ARHGEF2: variants seen among roughly 807,000 people sequenced by gnomAD.
ARHGEF2 encodes the protein rho guanine nucleotide exchange factor 2.
A neutral mutation model predicts 121.0 loss-of-function variants in ARHGEF2; 22 were observed. The observed-to-expected ratio is 0.18, with a 90% CI of 0.13 to 0.26. The LOEUF (loss-of-function observed/expected upper bound fraction) is 0.26. Ranked by LOEUF, ARHGEF2 falls within the 10% of genes least tolerant of loss-of-function variation. The pLI, the probability that ARHGEF2 is intolerant of heterozygous loss-of-function variation, is 1.00. For synonymous variants in ARHGEF2, 487 were observed against 530.0 expected, an observed-to-expected ratio of 0.92 and a Z score of 1.11; for missense variants, 907 against 1,336.0, an observed-to-expected ratio of 0.68 and a Z score of 5.01.
At chr1:155,967,801 C>G (rs1349600756) in intron 2 of ARHGEF2, among the ~76,000 whole-genome samples, 3 of 152,188 alleles carry the variant, frequency 2.0e-5, no homozygotes, top group Non-Finnish European at 4.4e-5. Flanking sequence ...GACATGCCCT[C>G]AGCTCCCGGC....
intron 7 of ARHGEF2, among the ~76,000 whole-genome samples, chr1:155,963,823 C>T (rs1053910005): frequency 1.3e-5 from 2 of 151,852 alleles, no homozygotes; most frequent in Non-Finnish European, 2.9e-5. Flanking sequence ...AGGCACATGC[C>T]ACCACACCTG....
chr1:155,952,285 G>C, intron 15 of ARHGEF2, 50 bp from the exon 16 acceptor site: 2 of 1,607,556 alleles, frequency 1.2e-6, no homozygotes, highest in Non-Finnish European at 8.5e-7. Context: ...AGGACCCTGA[G>C]GGGAATGCCA....
chr1:155,973,753 A>T (rs1680857311), intron 1 of ARHGEF2, among the ~76,000 whole-genome samples: 1 of 152,008 alleles, frequency 6.6e-6, no homozygotes, highest in Admixed American at 6.6e-5. Flanking sequence ...CTCAAAAAAA[A>T]AAAAAGAAAA....
Position 155,965,729 on chromosome 1 carries a change from G to C in ARHGEF2, c.372C>G (p.Ile124Met), listed in dbSNP as rs1289188899. The change falls in exon 5 of 22, where the codon ATC becomes ATG. Residue 124 changes from isoleucine to methionine, a missense_variant. By Grantham distance (10) the Ile-to-Met change is conservative. Transcript: ENST00000361247. The surrounding 1 kb of genome is among the most constrained non-coding windows in gnomAD (Gnocchi z 6.0). ...TTIRERPSSA[I>M]YPSDSFRQSL... is the part of the protein sequence containing the mutation. ...ACTGCCGGAAGCTGTCGGAGGGGTA[G>C]ATGGCCGAGCTTGGCCGCTCCCGGA... 1 of 1,602,766 alleles carries C rather than the reference G, an allele frequency of 6.2e-7. No individual in the cohort carries two copies. Among genetic ancestry groups the C allele is most frequent in the Admixed American group, 1.8e-5 (1 of 56,096 alleles).
chr1:155,949,579 CA>C (rs577392240), intron 21 of ARHGEF2, among the ~76,000 whole-genome samples: 183 of 129,728 alleles, frequency 1.4e-3, no homozygotes, highest in Admixed American at 1.3e-3. Flanking sequence ...AATTCCATCT[CA>C]AAAAAAAAAA....
chr1:155,972,076 C>A (rs947919412), intron 1 of ARHGEF2, among the ~76,000 whole-genome samples: 1 of 152,134 alleles, frequency 6.6e-6, no homozygotes, highest in African/African-American at 2.4e-5. Flanking sequence ...CCACCCTCCC[C>A]CTGTGGCATC....
Position 155,978,193 on chromosome 1 carries a change from T to A in ARHGEF2, c.63+172A>T, listed in dbSNP as rs1023888525. On this transcript the variant is annotated intron_variant, in intron 1 of 21. Coordinates refer to ENST00000361247, the MANE Select transcript of ARHGEF2 (RefSeq NM_001162383.2). The surrounding 1 kb of genome is among the most constrained non-coding windows in gnomAD (Gnocchi z 4.1). ...TCGCGTCTGCCGCTCCCCCCACCCC[T>A]ACCCACTCGCTCGCAGTCCCCACCC... is the stretch of plus-strand genomic sequence containing the variant. 911 of 1,225,090 alleles carry A rather than the reference T, an allele frequency of 7.4e-4. No homozygotes were observed. Among genetic ancestry groups the A allele is most frequent in the East Asian group, 3.5e-3 (90 of 25,940 alleles). The allele number at this position is 1,225,090 out of a possible 1,614,324, so 75.9% of individuals were successfully genotyped here. A position where few individuals can be genotyped will look rare whatever the true frequency, so the allele number is the denominator to read the frequency against.
Position 155,969,281 on chromosome 1 carries a change from A to C in ARHGEF2, c.83T>G (p.Met28Arg), listed in dbSNP as rs376342272. 6.2e-7 allele frequency: 1 copy of C among 1,614,116 alleles called. No individual in the cohort carries two copies. Among genetic ancestry groups the C allele is most frequent in the Non-Finnish European group, 8.5e-7 (1 of 1,180,004 alleles). The change falls in exon 2 of 22, where the codon ATG becomes AGG. Residue 28 changes from methionine (M) to arginine (R), a missense_variant. Transcript: ENST00000361247. ...LASKTREKEK[M>R]KEAKDARYTN... is the part of the protein sequence containing the mutation. ...ATAGCGGGCATCCTTGGCTTCCTTC[A>C]TCTTCTCCTTTTCCCGGGTCTGTGG...
At chr1:155,966,214 C>T (rs1360535326) in intron 4 of ARHGEF2, among the ~76,000 whole-genome samples, 1 of 152,172 alleles carries the variant, frequency 6.6e-6, no homozygotes, top group Non-Finnish European at 1.5e-5. Context: ...CCCCAGCCCT[C>T]ATCCCCATTC....
At chr1:155,972,254 C>A in intron 1 of ARHGEF2, 2 of 467,622 alleles carry the variant, frequency 4.3e-6, no homozygotes, top group Non-Finnish European at 8.8e-6. Context: ...CCAACACTCA[C>A]CCTCTCTCGA....
At chr1:155,955,079 A>C (rs1572080231) in intron 13 of ARHGEF2, 110 bp from the exon 14 acceptor site, 11 of 830,626 alleles carry the variant, frequency 1.3e-5, no homozygotes, top group East Asian at 5.2e-5. Flanking sequence ...TTCTGATAAG[A>C]CTCCTCAGCC....
chr1:155,963,218 T>G, intron 7 of ARHGEF2, 35 bp from the exon 8 acceptor site: 4 of 1,593,440 alleles, frequency 2.5e-6, no homozygotes, highest in Non-Finnish European at 3.4e-6. Context: ...GCCTCTACCC[T>G]GGCTTGGCTA....
At position 155,965,765 on chromosome 1, in the gene ARHGEF2, G is replaced by A. The variant is rs756836478; in HGVS notation, c.341-5C>T. ...TTGGCCGCTCCCGGATGGTTGCTGT[G>A]GGGGAGAGATGCCCAGCAGGCAAAC... On this transcript the variant is annotated splice_region_variant and splice_polypyrimidine_tract_variant and intron_variant, in intron 4 of 21. Transcript: ENST00000361247. The surrounding 1 kb of genome is among the most constrained non-coding windows in gnomAD (Gnocchi z 6.0). 2.5e-6 allele frequency: 4 copies of A among 1,588,402 alleles called. No homozygotes were observed. In the South Asian group the frequency reaches 3.4e-5, roughly 14 times the overall value.
At position 155,952,227 on chromosome 1, in the gene ARHGEF2, G is replaced by A; in HGVS notation, c.1993C>T (p.Leu665=). 1 of 1,614,122 alleles carries A rather than the reference G, an allele frequency of 6.2e-7. No individual in the cohort carries two copies. Among genetic ancestry groups the A allele is most frequent in the East Asian group, 2.2e-5 (1 of 44,884 alleles). The change falls in exon 16 of 22, where the codon CTG becomes TTG. Residue 665 remains leucine, a synonymous_variant. Transcript: ENST00000361247. ...LQDAIREVEG[L]KDLLVGPGVE... is the part of the protein sequence containing the mutation. ...CCTGGCCCCACCAGCAGGTCTTTCA[G>A]ACCCTCCACTGTGGGGAAAGAGGAA...
rs772532992 is a variant in ARHGEF2 at position 155,951,818 on chromosome 1, A to G, written c.2173-42T>C. 1.2e-6 allele frequency: 2 copies of G among 1,612,952 alleles called. No homozygotes were observed. The highest frequency in any genetic ancestry group is 1.6e-4 in the Middle Eastern group (1 of 6,082). On this transcript the variant is annotated intron_variant, in intron 17 of 21. Coordinates refer to ENST00000361247, the MANE Select transcript of ARHGEF2 (RefSeq NM_001162383.2). The surrounding 1 kb of genome is among the most constrained non-coding windows in gnomAD (Gnocchi z 5.1). ...GAATGGGGAGTCAGCAGGCACACAA[A>G]TCCTGGGTGCCTGCCCCTGACAGCT...
chr1:155,964,710 A>G (rs1344141933), intron 7 of ARHGEF2, among the ~76,000 whole-genome samples: 2 of 152,002 alleles, frequency 1.3e-5, no homozygotes, highest in Admixed American at 6.6e-5. Flanking sequence ...ACCTGAGGTC[A>G]GGAGTTTGAA....
rs34196691 is a variant in ARHGEF2 at position 155,963,344 on chromosome 1, CTT to C, written c.725-163_725-162del. ...TAGATACTTTTCTAATCATTTTTAT[CTT>C]TTTTTTTTTTTTTTTTTGAGACAGA... On this transcript the variant is annotated intron_variant, in intron 7 of 21. Coordinates refer to ENST00000361247, the MANE Select transcript of ARHGEF2 (RefSeq NM_001162383.2). 4.6e-3 allele frequency among the ~76,000 whole-genome samples: 418 copies of C among 91,310 alleles called. 1 individual carries two copies. Among genetic ancestry groups the C allele is most frequent in the East Asian group, 8.1e-3 (22 of 2,706 alleles). The allele number at this position is 91,310 out of a possible 152,430, so 59.9% of individuals were successfully genotyped here.
At chr1:155,952,577 T>G (rs1460951288) in intron 15 of ARHGEF2, 51 bp downstream of exon 15, 1 of 1,551,712 alleles carries the variant, frequency 6.4e-7, no homozygotes. Flanking sequence ...ATGTCCACAT[T>G]CTGTGACGGT....
chr1:155,961,998 T>C lies in ARHGEF2; in HGVS notation c.1220-89A>G, dbSNP rs944719858. 1.9e-6 allele frequency: 3 copies of C among 1,602,704 alleles called. No homozygotes were observed. Among genetic ancestry groups the C allele is most frequent in the Non-Finnish European group, 2.6e-6 (3 of 1,172,394 alleles). On this transcript the variant is annotated intron_variant, in intron 10 of 21. Transcript: ENST00000361247. The surrounding 1 kb of genome is among the most constrained non-coding windows in gnomAD (Gnocchi z 4.7). The stretch of plus-strand genomic sequence containing the variant: ...GTGTCTTGATTCCACCTTTAGAGGC[T>C]GCCCAGGGTTTCACACCCGACCCCA...
Sources: allele counts gnomAD v4.1 joint callset (sites outside exome capture counted in the v4.1 genomes callset), GRCh38; gene constraint gnomAD v4.1.1; non-coding constraint Gnocchi (gnomAD v3.1); transcripts MANE v1.5; gene names NCBI Gene and HGNC (gene_info 2026-07-23, HGNC 2026-07-21).